The following LSAMP variants were observed in gnomAD, a reference collection of about 807,000 sequenced individuals.
LSAMP encodes the protein limbic system associated membrane protein, also known as limbic system-associated membrane protein.
LSAMP carries 7 observed loss-of-function variants against 38.6 expected under a neutral mutation model. The observed-to-expected ratio is 0.18, with a 90% CI of 0.10 to 0.34. The LOEUF is 0.34. Among genes scored for constraint, LSAMP ranks in the 10% least tolerant of loss-of-function variants. LSAMP has a pLI of 1.00. For missense variants in LSAMP, 313 were observed against 420.0 expected (o/e 0.75, Z 2.23); for synonymous variants, 154 against 166.8 (o/e 0.92, Z 0.59).
At chr3:115,913,324 A>G (rs951044896) in intron 3 of LSAMP, among the ~76,000 whole-genome samples, 2 of 152,198 alleles carry the variant, frequency 1.3e-5, no homozygotes, top group Non-Finnish European at 2.9e-5. Flanking sequence ...ATTCCTCTAC[A>G]TTTGTAGTAC....
intron 1 of LSAMP, among the ~76,000 whole-genome samples, chr3:116,429,964 G>A (rs1171775480): frequency 1.3e-5 from 2 of 152,158 alleles, no homozygotes; most frequent in African/African-American, 2.4e-5. Flanking sequence ...TATACAGTGG[G>A]AATTAAAACT....
intron 6 of LSAMP, among the ~76,000 whole-genome samples, chr3:115,835,330 A>G (rs1934749262): frequency 6.6e-6 from 1 of 152,188 alleles, no homozygotes; most frequent in Admixed American, 6.5e-5. Context: ...CTTAGCTTAA[A>G]AGTATCTGAC....
At chr3:115,866,667 C>T (rs1247830760) in intron 3 of LSAMP, among the ~76,000 whole-genome samples, 1 of 151,990 alleles carries the variant, frequency 6.6e-6, no homozygotes, top group East Asian at 1.9e-4. Flanking sequence ...TCTGAGCTCT[C>T]TTACCCCACA....
chr3:115,877,638 G>A (rs1049056354), intron 3 of LSAMP, among the ~76,000 whole-genome samples: 1 of 152,122 alleles, frequency 6.6e-6, no homozygotes, highest in African/African-American at 2.4e-5. Flanking sequence ...GCAGAGGAAA[G>A]TTTCTGGACT....
chr3:116,145,697 A>G (rs565663427), intron 1 of LSAMP, among the ~76,000 whole-genome samples: 1 of 152,076 alleles, frequency 6.6e-6, no homozygotes, highest in East Asian at 1.9e-4. Flanking sequence ...ACCATCATAC[A>G]TTGTATCTTT....
intron 1 of LSAMP, among the ~76,000 whole-genome samples, chr3:116,321,243 C>T (rs1244472261): frequency 3.9e-5 from 6 of 152,044 alleles, no homozygotes; most frequent in Non-Finnish European, 7.4e-5. Context: ...GTTTGTGGTG[C>T]ATGCCTGTGG....
intron 1 of LSAMP, among the ~76,000 whole-genome samples, chr3:116,206,303 T>C (rs1239814547): frequency 6.7e-6 from 1 of 150,058 alleles, no homozygotes; most frequent in Admixed American, 6.6e-5. Context: ...TTTTTTTCTT[T>C]ATTAGTCTTG....
At chr3:115,885,281 C>A (rs67073222) in intron 3 of LSAMP, among the ~76,000 whole-genome samples, 21,593 of 151,828 alleles carry the variant, frequency 0.14, 1,814 homozygotes, top group African/African-American at 0.24. Context: ...TTATACACAA[C>A]AGAAGCTATT....
intron 3 of LSAMP, among the ~76,000 whole-genome samples, chr3:115,892,716 A>G (rs1576191516): frequency 6.6e-6 from 1 of 151,882 alleles, no homozygotes; most frequent in East Asian, 1.9e-4. Context: ...TCAATAAAAT[A>G]TTTGAAAAAT....
chr3:116,391,553 G>A (rs182204761), intron 1 of LSAMP, among the ~76,000 whole-genome samples: 7 of 152,216 alleles, frequency 4.6e-5, no homozygotes, highest in Admixed American at 2.6e-4. Flanking sequence ...GCTCACTAGC[G>A]GGGGAGCAGT....
At chr3:115,957,813 C>T (rs1337555690) in intron 3 of LSAMP, among the ~76,000 whole-genome samples, 1 of 152,130 alleles carries the variant, frequency 6.6e-6, no homozygotes, top group Non-Finnish European at 1.5e-5. Context: ...CCAAAACATG[C>T]TCTTCTCAAA....
intron 6 of LSAMP, among the ~76,000 whole-genome samples, chr3:115,826,877 AT>A (rs1226486812): frequency 1.3e-5 from 2 of 152,138 alleles, no homozygotes; most frequent in African/African-American, 4.8e-5. Flanking sequence ...CAGAAAAAAA[AT>A]CATACTATTT....
intron 4 of LSAMP, among the ~76,000 whole-genome samples, chr3:115,846,998 T>C (rs1364495959): frequency 6.6e-6 from 1 of 152,198 alleles, no homozygotes; most frequent in East Asian, 1.9e-4. Flanking sequence ...TGCCTGCCTG[T>C]CTATCTCACA....
At chr3:115,824,594 C>T (rs868326092) in intron 6 of LSAMP, among the ~76,000 whole-genome samples, 4 of 151,574 alleles carry the variant, frequency 2.6e-5, no homozygotes, top group African/African-American at 7.3e-5. Flanking sequence ...CCCAGCTACT[C>T]GGGAGGCTGA....
intron 1 of LSAMP, among the ~76,000 whole-genome samples, chr3:116,385,818 C>T (rs749404880): frequency 1.3e-5 from 2 of 151,696 alleles, no homozygotes; most frequent in Non-Finnish European, 2.9e-5. Context: ...TTATATAAGC[C>T]AAAGAAGATT....
At chr3:116,088,339 T>C (rs1001039843) in intron 1 of LSAMP, among the ~76,000 whole-genome samples, 1 of 152,216 alleles carries the variant, frequency 6.6e-6, no homozygotes, top group Non-Finnish European at 1.5e-5. Context: ...TTATTGAGTA[T>C]AATTTATGTG....
At chr3:116,287,483 A>ATGTT (rs1282848342) in intron 1 of LSAMP, among the ~76,000 whole-genome samples, 1 of 152,142 alleles carries the variant, frequency 6.6e-6, no homozygotes, top group Non-Finnish European at 1.5e-5. Flanking sequence ...TGCCTGTAAA[A>ATGTT]TGTTTATTCC....
chr3:115,931,126 C>G (rs932964742), intron 3 of LSAMP, among the ~76,000 whole-genome samples: 4 of 152,170 alleles, frequency 2.6e-5, no homozygotes, highest in African/African-American at 9.7e-5. Context: ...CAGCACCCCA[C>G]TTCCTCCTTC....
chr3:116,114,325 GCTTACCCTGT>G (rs2107476414), intron 1 of LSAMP, among the ~76,000 whole-genome samples: 2 of 152,318 alleles, frequency 1.3e-5, no homozygotes, highest in South Asian at 4.1e-4. Context: ...CTCTGTGCTA[GCTTACCCTGT>G]GGAACAATGG....
Sources: allele counts gnomAD v4.1 joint callset (sites outside exome capture counted in the v4.1 genomes callset), GRCh38; gene constraint gnomAD v4.1.1; transcripts MANE v1.5; gene names NCBI Gene and HGNC (gene_info 2026-07-23, HGNC 2026-07-21).